Variants in PPM1H observed in about 807,000 individuals in gnomAD.
PPM1H encodes protein phosphatase, Mg2+/Mn2+ dependent 1H.
Under a neutral mutation model 54.9 loss-of-function variants are expected in PPM1H, and 27 were observed. That is an observed-to-expected ratio of 0.49 (90% CI 0.36 to 0.68). The LOEUF (loss-of-function observed/expected upper bound fraction) is 0.68. Among genes scored for constraint, PPM1H ranks in the 30% least tolerant of loss-of-function variants. The probability of loss-of-function intolerance (pLI) is 0.00; values close to 1 mark genes in which losing one functional copy is unlikely to be tolerated. For synonymous variants in PPM1H, 305 were observed against 270.8 expected, an observed-to-expected ratio of 1.13 and a Z score of -1.24; for missense variants, 596 against 667.8, an observed-to-expected ratio of 0.89 and a Z score of 1.19.
At chr12:62,700,500 G>C (rs2076138289) in intron 6 of PPM1H, among the ~76,000 whole-genome samples, 1 of 152,132 alleles carries the variant, frequency 6.6e-6, no homozygotes, top group Admixed American at 6.6e-5. Context: ...ACACAACAAG[G>C]ATTGAGTATT....
In PPM1H at chr12:62,648,645, G is replaced by A. The variant is rs2075799733; in HGVS notation, c.1398-9C>T. ...GAGCTGCCAGTGTGTACCTACACAG[G>A]AGAACCAGGAACGAGACAGTCAGTA... On this transcript the variant is annotated splice_polypyrimidine_tract_variant and intron_variant, in intron 9 of 9. Coordinates refer to ENST00000228705, the MANE Select transcript of PPM1H (RefSeq NM_020700.2). 6.2e-7 allele frequency: 1 copy of A among 1,613,378 alleles called. No homozygotes were observed. The highest frequency in any genetic ancestry group is 1.3e-5 in the African/African-American group (1 of 75,030).
At chr12:62,746,295 C>A (rs558742209) in intron 4 of PPM1H, among the ~76,000 whole-genome samples, 38 of 152,318 alleles carry the variant, frequency 2.5e-4, no homozygotes, top group African/African-American at 7.9e-4. Context: ...CACTAGGCAC[C>A]CAAGAACTGA....
chr12:62,691,694 G>A (rs559636119), intron 7 of PPM1H, among the ~76,000 whole-genome samples: 1 of 151,998 alleles, frequency 6.6e-6, no homozygotes, highest in South Asian at 2.1e-4. Flanking sequence ...GTGGTGGCAT[G>A]CGCCTGTAGT....
chr12:62,891,459 C>G (rs1870794966), intron 1 of PPM1H, among the ~76,000 whole-genome samples: 1 of 152,216 alleles, frequency 6.6e-6, no homozygotes, highest in Non-Finnish European at 1.5e-5. Flanking sequence ...CATGTACCTA[C>G]ATGAAAATTA....
chr12:62,789,954 T>G (rs972286016), intron 3 of PPM1H, among the ~76,000 whole-genome samples: 2 of 152,250 alleles, frequency 1.3e-5, no homozygotes, highest in African/African-American at 4.8e-5. Flanking sequence ...ATGCCAAATC[T>G]TCCAGTGGTA....
chr12:62,857,623 G>T (rs1273915867), intron 1 of PPM1H, among the ~76,000 whole-genome samples: 2 of 151,988 alleles, frequency 1.3e-5, no homozygotes, highest in East Asian at 3.9e-4. Context: ...AGCTGTTTTG[G>T]GTCTGGGTTC....
intron 1 of PPM1H, among the ~76,000 whole-genome samples, chr12:62,911,579 C>T (rs1011656196): frequency 6.6e-6 from 1 of 152,184 alleles, no homozygotes; most frequent in African/African-American, 2.4e-5. Flanking sequence ...TCTTTCAACC[C>T]CAGCATTTAC....
intron 2 of PPM1H, among the ~76,000 whole-genome samples, chr12:62,826,783 C>A (rs890584537): frequency 1.8e-4 from 27 of 152,220 alleles, no homozygotes; most frequent in South Asian, 4.1e-4. Flanking sequence ...AGAGGGACTT[C>A]ATGCATCTTC....
chr12:62,695,849 G>T (rs1159123617), intron 6 of PPM1H, among the ~76,000 whole-genome samples: 1 of 152,118 alleles, frequency 6.6e-6, no homozygotes, highest in Non-Finnish European at 1.5e-5. Context: ...CCTGAGAAAG[G>T]CCCTGAGATG....
At chr12:62,783,170 C>T (rs190303075) in intron 4 of PPM1H, among the ~76,000 whole-genome samples, 6 of 152,238 alleles carry the variant, frequency 3.9e-5, no homozygotes, top group East Asian at 1.9e-4. Flanking sequence ...AACTTTGGGA[C>T]GCTTGGAAGG....
chr12:62,678,688 A>C (rs2076001046), intron 8 of PPM1H, among the ~76,000 whole-genome samples: 1 of 147,220 alleles, frequency 6.8e-6, no homozygotes, highest in African/African-American at 2.6e-5. Context: ...TAGCTTCTGC[A>C]TACTTTTTTT....
At chr12:62,706,721 G>C (rs571291558) in intron 6 of PPM1H, among the ~76,000 whole-genome samples, 1 of 152,142 alleles carries the variant, frequency 6.6e-6, no homozygotes, top group Non-Finnish European at 1.5e-5. Context: ...TCTTAACCAC[G>C]CTTCTCTGTG....
At chr12:62,810,950 C>T (rs1011117504) in intron 2 of PPM1H, among the ~76,000 whole-genome samples, 9 of 152,346 alleles carry the variant, frequency 5.9e-5, no homozygotes, top group Non-Finnish European at 1.3e-4. Context: ...ACTAGAGATA[C>T]AGCAGAAAAT....
intron 5 of PPM1H, 46 bp downstream of exon 5, chr12:62,737,456 C>G: frequency 7.5e-7 from 1 of 1,337,156 alleles, no homozygotes; most frequent in Non-Finnish European, 1.0e-6. Flanking sequence ...AGCTCCGATG[C>G]CATCCCTGAT....
At chr12:62,775,073 AT>A (rs1252580923) in intron 4 of PPM1H, among the ~76,000 whole-genome samples, 1 of 152,218 alleles carries the variant, frequency 6.6e-6, no homozygotes, top group East Asian at 1.9e-4. Flanking sequence ...CATTACTGTT[AT>A]TTTTTAAATC....
intron 2 of PPM1H, among the ~76,000 whole-genome samples, chr12:62,806,210 T>TTGAAGCCA (rs1464332477): frequency 6.6e-6 from 1 of 152,034 alleles, no homozygotes; most frequent in East Asian, 1.9e-4. Context: ...TTAAATAAAA[T>TTGAAGCCA]TTTTAGTATA....
chr12:62,754,591 T>C (rs973822633), intron 4 of PPM1H, among the ~76,000 whole-genome samples: 3 of 152,082 alleles, frequency 2.0e-5, no homozygotes, highest in Non-Finnish European at 4.4e-5. Flanking sequence ...GAGTAGATCA[T>C]GAAAGGAAGC....
intron 5 of PPM1H, among the ~76,000 whole-genome samples, chr12:62,729,284 T>C (rs921157831): frequency 1.3e-5 from 2 of 152,066 alleles, no homozygotes; most frequent in Non-Finnish European, 2.9e-5. Flanking sequence ...GCAAGAGCTC[T>C]AGGGCAAGTG....
intron 1 of PPM1H, among the ~76,000 whole-genome samples, chr12:62,908,636 T>C (rs1040061845): frequency 6.6e-6 from 1 of 152,066 alleles, no homozygotes; most frequent in African/African-American, 2.4e-5. Flanking sequence ...GTGGTTTGTA[T>C]CATAGTAGGG....
Sources: allele counts gnomAD v4.1 joint callset (sites outside exome capture counted in the v4.1 genomes callset), GRCh38; gene constraint gnomAD v4.1.1; transcripts MANE v1.5; gene names NCBI Gene and HGNC (gene_info 2026-07-23, HGNC 2026-07-21).